ULK4: variants seen among roughly 807,000 people sequenced by gnomAD.
ULK4 encodes the protein unc-51 like kinase 4, also known as inactive serine/threonine-protein kinase ULK4.
ULK4 carries 133 observed loss-of-function variants against 160.6 expected under a neutral mutation model. The ratio of observed to expected loss-of-function variants is 0.83; its 90% confidence interval spans 0.72 to 0.96. ULK4 has a LOEUF of 0.96. Among genes scored for constraint, ULK4 ranks in the 40% least tolerant of loss-of-function variants. The probability of loss-of-function intolerance (pLI) is 0.00; values close to 1 mark genes in which losing one functional copy is unlikely to be tolerated. For synonymous variants in ULK4, 534 were observed against 539.8 expected (o/e 0.99, Z 0.15); for missense variants, 1,580 against 1,499.5 (o/e 1.05, Z -0.89).
chr3:41,317,061 C>CTTTTTTTTTTTT (rs1170201981), intron 35 of ULK4, among the ~76,000 whole-genome samples: 6 of 92,130 alleles, frequency 6.5e-5, no homozygotes, highest in African/African-American at 1.4e-4. Context: ...GCAATTACAT[C>CTTTTTTTTTTTT]TATTTTTTTT....
At chr3:41,647,633 GGGGGTCA>G (rs1433529824) in intron 30 of ULK4, among the ~76,000 whole-genome samples, 2 of 152,208 alleles carry the variant, frequency 1.3e-5, no homozygotes, top group African/African-American at 2.4e-5. Flanking sequence ...TAGGCTGCTT[GGGGGTCA>G]GGGGTCAGGG....
intron 30 of ULK4, among the ~76,000 whole-genome samples, chr3:41,618,878 C>T (rs1246231367): frequency 6.6e-6 from 1 of 151,396 alleles, no homozygotes; most frequent in African/African-American, 2.4e-5. Context: ...TTCAGGAGAC[C>T]CATCTCACAT....
At chr3:41,735,765 G>A (rs146133599) in intron 22 of ULK4, among the ~76,000 whole-genome samples, 1,546 of 150,498 alleles carry the variant, frequency 0.01, 11 homozygotes, top group Non-Finnish European at 0.016. Flanking sequence ...TGTTACATAT[G>A]TATACATATG....
chr3:41,670,957 A>G (rs2035518534), intron 29 of ULK4, among the ~76,000 whole-genome samples: 1 of 152,084 alleles, frequency 6.6e-6, no homozygotes, highest in South Asian at 2.1e-4. Flanking sequence ...GAGGGAGATC[A>G]CTGTACCTAA....
intron 25 of ULK4, among the ~76,000 whole-genome samples, chr3:41,710,554 G>A (rs2037058297): frequency 6.6e-6 from 1 of 152,284 alleles, no homozygotes; most frequent in Middle Eastern, 3.4e-3. Context: ...AGCACTTTGG[G>A]AGGCTGAGGC....
chr3:41,442,836 T>C (rs1204705980), intron 34 of ULK4, among the ~76,000 whole-genome samples: 1 of 152,204 alleles, frequency 6.6e-6, no homozygotes, highest in East Asian at 1.9e-4. Flanking sequence ...TAGTACTCTG[T>C]AACGTGAAAC....
chr3:41,472,258 G>C (rs2084012936), intron 32 of ULK4, among the ~76,000 whole-genome samples: 1 of 151,978 alleles, frequency 6.6e-6, no homozygotes, highest in South Asian at 2.1e-4. Flanking sequence ...AACCTACTAA[G>C]ACTAAATCAT....
intron 22 of ULK4, among the ~76,000 whole-genome samples, chr3:41,724,450 C>A (rs916614436): frequency 6.6e-6 from 1 of 152,048 alleles, no homozygotes; most frequent in Admixed American, 6.5e-5. Context: ...TTCAGCCAGG[C>A]GCGGTGGCTC....
At chr3:41,412,495 C>A (rs890431259) in intron 34 of ULK4, among the ~76,000 whole-genome samples, 1 of 150,030 alleles carries the variant, frequency 6.7e-6, no homozygotes, top group African/African-American at 2.5e-5. Context: ...TGAGGAGGAG[C>A]CCATAGGCTC....
chr3:41,918,366 T>G (rs555432869), intron 7 of ULK4, 91 bp downstream of exon 7: 10 of 768,806 alleles, frequency 1.3e-5, no homozygotes, highest in Admixed American at 6.1e-5. Flanking sequence ...CTTTGGGGAG[T>G]TATGAATCAA....
At chr3:41,290,059 G>A (rs926592987) in intron 35 of ULK4, among the ~76,000 whole-genome samples, 2 of 152,108 alleles carry the variant, frequency 1.3e-5, no homozygotes, top group Non-Finnish European at 2.9e-5. Flanking sequence ...ATTTTTAGGA[G>A]AGACGGAGTT....
intron 35 of ULK4, among the ~76,000 whole-genome samples, chr3:41,369,587 G>T (rs184537226): frequency 3.3e-5 from 5 of 151,840 alleles, no homozygotes; most frequent in African/African-American, 1.2e-4. Context: ...GAGGTCAGGA[G>T]ATCGAGACCA....
chr3:41,370,021 C>T (rs2081330508), intron 35 of ULK4, among the ~76,000 whole-genome samples: 1 of 152,014 alleles, frequency 6.6e-6, no homozygotes, highest in African/African-American at 2.4e-5. Context: ...TATTACAGAG[C>T]CTGGAAATGT....
chr3:41,893,212 A>G (rs1698030240), intron 16 of ULK4, among the ~76,000 whole-genome samples: 3 of 152,230 alleles, frequency 2.0e-5, no homozygotes, highest in Non-Finnish European at 2.9e-5. Context: ...TTGGAAATGA[A>G]TAGTGGTGAT....
intron 1 of ULK4, among the ~76,000 whole-genome samples, chr3:41,960,111 C>T (rs1298898923): frequency 6.6e-6 from 1 of 151,762 alleles, no homozygotes; most frequent in Non-Finnish European, 1.5e-5. Flanking sequence ...CTGCCTCAGC[C>T]TCCCAAAATT....
intron 32 of ULK4, among the ~76,000 whole-genome samples, chr3:41,522,129 CTTTT>C (rs57720185): frequency 7.4e-6 from 1 of 135,948 alleles, no homozygotes. Context: ...TCTTTTTTTT[CTTTT>C]TTTTTTTTTT....
intron 17 of ULK4, among the ~76,000 whole-genome samples, chr3:41,858,817 T>TCC (rs140811588): frequency 0.031 from 4,633 of 151,372 alleles, 237 homozygotes; most frequent in African/African-American, 0.11. Flanking sequence ...AATTCTTTTT[T>TCC]CCCCCCCATA....
chr3:41,790,939 A>G (rs2040133226), intron 20 of ULK4, among the ~76,000 whole-genome samples: 1 of 152,198 alleles, frequency 6.6e-6, no homozygotes, highest in Non-Finnish European at 1.5e-5. Context: ...TCATTATAAT[A>G]TCATATAAGC....
intron 2 of ULK4, among the ~76,000 whole-genome samples, chr3:41,943,699 T>C (rs549950216): frequency 6.6e-6 from 1 of 152,276 alleles, no homozygotes; most frequent in Admixed American, 6.5e-5. Flanking sequence ...GCTCCTGGCA[T>C]GGAATCCACC....
Sources: gnomAD v4.1 joint callset for allele counts (sites outside exome capture counted in the v4.1 genomes callset) on GRCh38, gnomAD v4.1.1 for gene constraint, MANE v1.5 for transcripts, NCBI Gene and HGNC (gene_info 2026-07-23, HGNC 2026-07-21) for gene names.